Variants in PDE11A observed in about 807,000 individuals in gnomAD.
The protein encoded by PDE11A is phosphodiesterase 11A.
In PDE11A, 100 loss-of-function variants were observed where a neutral mutation model predicts 100.5. That is an observed-to-expected ratio of 1.00 (90% CI 0.85 to 1.18). The LOEUF is 1.18. Among genes scored for constraint, PDE11A ranks in the 50% most tolerant of loss-of-function variants. PDE11A has a pLI of 0.00. For missense variants in PDE11A, 1,141 were observed against 1,152.6 expected (o/e 0.99, Z 0.15); for synonymous variants, 381 against 420.8 (o/e 0.91, Z 1.16).
At chr2:177,677,765 C>T (rs917456786) in intron 16 of PDE11A, 1 of 152,162 alleles carries the variant, frequency 6.6e-6, no homozygotes, top group African/African-American at 2.4e-5. Context: ...TAGATTAAGG[C>T]TCTTCAAGAA....
chr2:177,891,494 G>T (rs1287736337), intron 4 of PDE11A, among the ~76,000 whole-genome samples: 1 of 152,188 alleles, frequency 6.6e-6, no homozygotes, highest in Non-Finnish European at 1.5e-5. Flanking sequence ...AGAATTGAAT[G>T]ATTGTTCTAA....
chr2:177,992,370 T>C (rs2086014812), intron 2 of PDE11A, among the ~76,000 whole-genome samples: 1 of 149,366 alleles, frequency 6.7e-6, no homozygotes, highest in Non-Finnish European at 1.5e-5. Context: ...TTCCAGGGCA[T>C]CCACTTGCTT....
At chr2:178,002,583 G>C (rs2086158474) in intron 2 of PDE11A, among the ~76,000 whole-genome samples, 1 of 152,132 alleles carries the variant, frequency 6.6e-6, no homozygotes, top group Non-Finnish European at 1.5e-5. Flanking sequence ...AGGTACCTAG[G>C]AGGTATTATG....
Position 178,014,362 on chromosome 2 carries a change from A to G in PDE11A, c.1011T>C (p.Gly337=), listed in dbSNP as rs1178650353. 1 of 1,612,810 alleles carries G rather than the reference A, an allele frequency of 6.2e-7. No individual in the cohort carries two copies. The highest frequency in any genetic ancestry group is 1.7e-5 in the Admixed American group (1 of 60,010). Residue 337 remains glycine, a synonymous_variant, in exon 2 of 20, where the codon GGT becomes GGC. Transcript: ENST00000286063. ...GAATCTTATTTATCGCTTGGGCCACACCAATAATCTCACCATCACTGCTTC... is the reference window on the plus strand; with the variant it reads ...GAATCTTATTTATCGCTTGGGCCACGCCAATAATCTCACCATCACTGCTTC... ...PIRSSDGEII[G]VAQAINKIPE... is the part of the protein sequence containing the mutation.
intron 1 of PDE11A, among the ~76,000 whole-genome samples, chr2:178,036,147 C>A (rs2086610523): frequency 6.6e-6 from 1 of 152,190 alleles, no homozygotes; most frequent in Non-Finnish European, 1.5e-5. Flanking sequence ...CTCCAAAACT[C>A]CTTAAGCTGA....
intron 4 of PDE11A, among the ~76,000 whole-genome samples, chr2:177,879,306 C>T (rs1276369774): frequency 6.6e-6 from 1 of 152,144 alleles, no homozygotes; most frequent in African/African-American, 2.4e-5. Flanking sequence ...TCTTTCAGTG[C>T]CTATTTTAGA....
chr2:178,040,563 G>C (rs1445972026), intron 1 of PDE11A, among the ~76,000 whole-genome samples: 2 of 152,142 alleles, frequency 1.3e-5, no homozygotes, highest in Admixed American at 6.5e-5. Context: ...AATGCGCAGA[G>C]TTCTTAGGGT....
chr2:177,946,998 T>C (rs1216423954), intron 2 of PDE11A, among the ~76,000 whole-genome samples: 3 of 107,230 alleles, frequency 2.8e-5, no homozygotes, highest in East Asian at 3.1e-4. Flanking sequence ...AGCCGCCCCG[T>C]CCGGGAAGGA....
At chr2:177,990,220 T>C (rs2085986080) in intron 2 of PDE11A, among the ~76,000 whole-genome samples, 2 of 152,216 alleles carry the variant, frequency 1.3e-5, no homozygotes, top group Admixed American at 6.5e-5. Flanking sequence ...GAAAGAAACA[T>C]AAATTGTTTC....
At chr2:178,091,666 T>G (rs1161270797) in intron 2 of PDE11A, among the ~76,000 whole-genome samples, 1 of 152,198 alleles carries the variant, frequency 6.6e-6, no homozygotes, top group Admixed American at 6.5e-5. Flanking sequence ...CTTGCAGGAC[T>G]GCACAGCTGT....
chr2:177,772,243 T>G (rs1278686585), intron 9 of PDE11A, among the ~76,000 whole-genome samples: 5 of 152,078 alleles, frequency 3.3e-5, no homozygotes, highest in Non-Finnish European at 7.4e-5. Flanking sequence ...TTATTAAAAA[T>G]AAAGATATAT....
chr2:177,881,341 G>GTCTATCTA (rs56769555), intron 4 of PDE11A, among the ~76,000 whole-genome samples: 18,041 of 147,488 alleles, frequency 0.12, 1,146 homozygotes, highest in East Asian at 0.15. Context: ...TCATCTATCT[G>GTCTATCTA]TCTATCTATC....
At chr2:177,889,161 G>A (rs180905511) in intron 4 of PDE11A, among the ~76,000 whole-genome samples, 3 of 152,156 alleles carry the variant, frequency 2.0e-5, no homozygotes, top group East Asian at 3.9e-4. Flanking sequence ...TATGAGTTTG[G>A]CTTTAAATTT....
At chr2:177,954,710 T>C (rs1185082150) in intron 2 of PDE11A, among the ~76,000 whole-genome samples, 2 of 152,164 alleles carry the variant, frequency 1.3e-5, no homozygotes, top group Non-Finnish European at 2.9e-5. Flanking sequence ...TCTGTGCAAA[T>C]GGTTCTTAAC....
intron 16 of PDE11A, among the ~76,000 whole-genome samples, chr2:177,678,419 T>C (rs969813585): frequency 8.5e-5 from 13 of 152,208 alleles, no homozygotes; most frequent in Admixed American, 8.5e-4. Context: ...ATGTGCTTAT[T>C]TGAAGCTTTC....
Position 177,727,650 on chromosome 2 carries a change from A to C in PDE11A, c.2043+8T>G. 6.7e-7 allele frequency: 1 copy of C among 1,489,506 alleles called. No homozygotes were observed. Among genetic ancestry groups the C allele is most frequent in the East Asian group, 2.3e-5 (1 of 44,270 alleles). The allele number at this position is 1,489,506 out of a possible 1,614,324, so 92.3% of individuals were successfully genotyped here. Reference sequence around the variant, plus strand: ...AAATGATCTTCCACCATCACTAAGCACACTTACGGTTAACATCGCGAACAT... The same window carrying C: ...AAATGATCTTCCACCATCACTAAGCCCACTTACGGTTAACATCGCGAACAT... On this transcript the variant is annotated splice_region_variant and intron_variant, in intron 12 of 19. Transcript: ENST00000286063.
At chr2:177,683,321 T>A (rs1477646607) in intron 15 of PDE11A, 1 of 152,296 alleles carries the variant, frequency 6.6e-6, no homozygotes, top group African/African-American at 2.4e-5. Context: ...CATAACCCAA[T>A]TACACAGAAG....
chr2:177,988,272 TC>T (rs1460673359), intron 2 of PDE11A, among the ~76,000 whole-genome samples: 1 of 152,196 alleles, frequency 6.6e-6, no homozygotes, highest in Non-Finnish European at 1.5e-5. Flanking sequence ...AATAAGAAAC[TC>T]TTCGATCTAC....
chr2:177,808,602 G>T (rs529757467), intron 9 of PDE11A, among the ~76,000 whole-genome samples: 5 of 152,226 alleles, frequency 3.3e-5, no homozygotes, highest in Non-Finnish European at 5.9e-5. Context: ...TCTTAGCTAG[G>T]GTTTCTTAAA....
Sources: allele counts gnomAD v4.1 joint callset (sites outside exome capture counted in the v4.1 genomes callset), GRCh38; gene constraint gnomAD v4.1.1; transcripts MANE v1.5; gene names NCBI Gene and HGNC (gene_info 2026-07-23, HGNC 2026-07-21).